Variants in NLRP7 observed in about 807,000 individuals in gnomAD.
The protein encoded by NLRP7 is NLR family pyrin domain containing 7, also known as NACHT, LRR and PYD domains-containing protein 7.
Under a neutral mutation model 85.5 loss-of-function variants are expected in NLRP7, and 72 were observed. The observed-to-expected ratio is 0.84, with a 90% CI of 0.70 to 1.02. The LOEUF is 1.02. Ranked by LOEUF, NLRP7 falls within the 50% of genes least tolerant of loss-of-function variation. NLRP7 has a pLI of 0.00. For missense variants in NLRP7, 1,243 were observed against 1,219.5 expected, an observed-to-expected ratio of 1.02 and a Z score of -0.29; for synonymous variants, 550 against 505.2, an observed-to-expected ratio of 1.09 and a Z score of -1.19.
intron 1 of NLRP7, among the ~76,000 whole-genome samples, chr19:54,963,611 G>T (rs2146293300): frequency 6.6e-6 from 1 of 152,078 alleles, no homozygotes; most frequent in Non-Finnish European, 1.5e-5. Flanking sequence ...ATTACCTGAG[G>T]TTGGGAGTTC....
chr19:54,942,927 G>C (rs1421565635), intron 1 of NLRP7, among the ~76,000 whole-genome samples: 1 of 149,074 alleles, frequency 6.7e-6, no homozygotes, highest in Non-Finnish European at 1.5e-5. Flanking sequence ...CAGGTGGATC[G>C]CCTGATGTCA....
At chr19:54,947,538 C>G, upstream of NLRP7, 1 of 1,289,740 alleles carries the variant, frequency 7.8e-7, no homozygotes, top group African/African-American at 1.5e-5. Context: ...GGGGAGGTCT[C>G]TGGCCCTTGG....
At chr19:54,939,026 A>T in exon 4 of NLRP7, 1 of 1,614,252 alleles carries the variant, frequency 6.2e-7, no homozygotes. Context: ...AGTATTTGTC[A>T]GGTGAATAGA....
At chr19:54,938,839 G>C (rs897217542) in intron 4 of NLRP7, 49 bp downstream of exon 4, 2 of 1,602,770 alleles carry the variant, frequency 1.2e-6, no homozygotes, top group Middle Eastern at 2.0e-4. Flanking sequence ...GGGCAAAGGA[G>C]ACGCTGGCCT....
intron 9 of NLRP7, 28 bp from the exon 11 acceptor site, chr19:54,923,900 C>T (rs768521617): frequency 7.5e-7 from 1 of 1,336,726 alleles, no homozygotes; most frequent in Non-Finnish European, 9.9e-7. Context: ...CACAAATGTT[C>T]CCAGAAATTC....
rs543133214 is a variant in NLRP7 at position 54,935,879 on chromosome 19, A to G, written c.2300+382T>C. Among the ~76,000 whole-genome samples the G allele has an allele frequency of 3.3e-5, 5 of 152,006 alleles. No homozygotes were observed. In the South Asian group the frequency reaches 1.0e-3, roughly 32 times the overall value. Reference sequence around the variant, plus strand: ...TCCTGTGCCTGATCTGAGATCGAACAGTTTCATCCCAAAACTACCCCCAAA... The same window carrying G: ...TCCTGTGCCTGATCTGAGATCGAACGGTTTCATCCCAAAACTACCCCCAAA... On this transcript the variant is annotated intron_variant, in intron 6 of 9. Transcript: ENST00000340844.
chr19:54,936,538 T>A (rs1264241590), intron 5 of NLRP7, 107 bp from the exon 6 acceptor site: 2 of 1,014,200 alleles, frequency 2.0e-6, no homozygotes, highest in Non-Finnish European at 1.5e-6. Flanking sequence ...TTAGAAGTTC[T>A]TGGCCGGGTG....
Position 54,934,740 on chromosome 19 carries a change from C to A in NLRP7, c.2301-81G>T. Reference sequence around the variant, plus strand: ...GCTTTTTTTTTTTGAGACAGAGTTTCACTCTGTTGCCCAGTCTGGAATGCA... The same window carrying A: ...GCTTTTTTTTTTTGAGACAGAGTTTAACTCTGTTGCCCAGTCTGGAATGCA... On this transcript the variant is annotated intron_variant, in intron 6 of 9. Transcript: ENST00000340844. This position sits in a 1 kb window ranked among gnomAD's most constrained non-coding sequence, Gnocchi z 6.7. 3.4e-6 allele frequency: 4 copies of A among 1,167,086 alleles called. No homozygotes were observed. Among genetic ancestry groups the A allele is most frequent in the East Asian group, 2.6e-5 (1 of 39,050 alleles). The allele number at this position is 1,167,086 out of a possible 1,614,324, so 72.3% of individuals were successfully genotyped here.
intron 8 of NLRP7, among the ~76,000 whole-genome samples, chr19:54,932,446 T>C (rs1440394803): frequency 6.7e-6 from 1 of 148,288 alleles, no homozygotes; most frequent in Non-Finnish European, 1.5e-5. Context: ...AAAATGAATC[T>C]CAGAAATGAC....
intron 1 of NLRP7, among the ~76,000 whole-genome samples, chr19:54,962,799 C>G (rs1220778834): frequency 6.6e-6 from 1 of 150,586 alleles, no homozygotes; most frequent in Non-Finnish European, 1.5e-5. Context: ...CGGGGTTTCA[C>G]CGTGTTAGCC....
In NLRP7 at chr19:54,934,413, G is replaced by GT; in HGVS notation, c.2471+75dup. 3.4e-6 allele frequency: 5 copies of GT among 1,482,916 alleles called. No homozygotes were observed. The highest frequency in any genetic ancestry group is 4.7e-6 in the Non-Finnish European group (5 of 1,060,358). The allele number at this position is 1,482,916 out of a possible 1,614,324, so 91.9% of individuals were successfully genotyped here. ...CAAGAGGCGCCACGTGGGTGGCGCA[G>GT]TAAGTCAGGTGTTACCCTTTCTCTT... is the stretch of plus-strand genomic sequence containing the variant. On this transcript the variant is annotated intron_variant, in intron 7 of 9. Coordinates refer to ENST00000340844, the Ensembl canonical transcript of NLRP7. The surrounding 1 kb of genome is among the most constrained non-coding windows in gnomAD (Gnocchi z 6.7).
At position 54,939,457 on chromosome 19, in the gene NLRP7, G is replaced by A. The variant is rs143786631; in HGVS notation, c.1362C>T (p.Leu454=). The A allele has an allele frequency of 2.9e-4, 467 of 1,614,004 alleles. 2 individuals are homozygous for A. In the African/African-American group the frequency reaches 5.7e-3, roughly 20 times the overall value. The change falls in exon 4 of 10, where the codon CTC becomes CTT. Residue 454 remains leucine (L), a synonymous_variant. Coordinates refer to ENST00000340844, the Ensembl canonical transcript of NLRP7. ...AGCCTTTGGAGACTCTGTCCTGGCG[G>A]AGGATGTCTCCGTCCAGGAACAGAC... is the stretch of plus-strand genomic sequence containing the variant.
intron 5 of NLRP7, among the ~76,000 whole-genome samples, chr19:54,937,264 A>C (rs2068973618): frequency 6.6e-6 from 1 of 151,942 alleles, no homozygotes; most frequent in South Asian, 2.1e-4. Flanking sequence ...AAAACAACTA[A>C]GGGGTACTAG....
rs775885 is a variant in NLRP7, at chr19:54,940,537, G to A, written c.353-71C>T. 0.011 allele frequency: 16,495 copies of A among 1,543,306 alleles called. 1,291 individuals carry two copies. In the African/African-American group the frequency reaches 0.18, roughly 17 times the overall value. On this transcript the variant is annotated intron_variant, in intron 3 of 9. Transcript: ENST00000340844. Reference sequence around the variant, plus strand: ...TTCTGAATTATTTTGTCAAGTACCAGAAATGAGGGCCAGGCACGGTGTCTC... The same window carrying A: ...TTCTGAATTATTTTGTCAAGTACCAAAAATGAGGGCCAGGCACGGTGTCTC...
intron 1 of NLRP7, 105 bp from the exon 2 acceptor site, chr19:54,941,855 T>TA (rs1211128621): frequency 2.3e-6 from 2 of 862,522 alleles, no homozygotes; most frequent in Non-Finnish European, 3.5e-6. Context: ...CAGTGAGTGG[T>TA]AAAATATTCC....
upstream of NLRP7, among the ~76,000 whole-genome samples, chr19:54,952,404 C>G (rs2069698198): frequency 6.6e-6 from 1 of 151,936 alleles, no homozygotes; most frequent in Admixed American, 6.6e-5. Context: ...ACCAGCCTGG[C>G]CAACATAGTG....
At chr19:54,944,405 TG>T (rs1192392905) in intron 1 of NLRP7, among the ~76,000 whole-genome samples, 1 of 152,152 alleles carries the variant, frequency 6.6e-6, no homozygotes, top group African/African-American at 2.4e-5. Context: ...ACCTTGTTTA[TG>T]ACACAGACAT....
chr19:54,934,132 G>A lies in NLRP7; in HGVS notation c.2471+357C>T, dbSNP rs1053698920. Among the ~76,000 whole-genome samples the A allele has an allele frequency of 2.6e-5, 4 of 152,036 alleles. No homozygotes were observed. The highest frequency in any genetic ancestry group is 4.8e-5 in the African/African-American group (2 of 41,394). ...ATTTTTTGTATTTTTTAGTAGAGAC[G>A]GGGTTTCACCATGTTAGCCAGGATG... On this transcript the variant is annotated intron_variant, in intron 7 of 9. Coordinates refer to ENST00000340844, the Ensembl canonical transcript of NLRP7. The surrounding 1 kb of genome is among the most constrained non-coding windows in gnomAD (Gnocchi z 6.7).
rs104895551 is a variant in NLRP7, at chr19:54,936,413, AG to A, written c.2147del (p.Pro716LeufsTer21). On this transcript the variant is annotated frameshift_variant, in exon 6 of 10. Transcript: ENST00000340844. LOFTEE classifies it high-confidence loss of function. ...GACAGAAGTCCCGGTACGCGGTGTC[AG>A]GGGTGACGTTTTTAATCCTAGGGAA... 3.1e-6 allele frequency: 5 copies of A among 1,613,986 alleles called. No individual in the cohort carries two copies. Among genetic ancestry groups the A allele is most frequent in the Non-Finnish European group, 4.2e-6 (5 of 1,179,968 alleles).
Sources: gnomAD v4.1 joint callset for allele counts (sites outside exome capture counted in the v4.1 genomes callset) on GRCh38, gnomAD v4.1.1 for gene constraint, Gnocchi (gnomAD v3.1) non-coding constraint, MANE v1.5 for transcripts, NCBI Gene and HGNC (gene_info 2026-07-23, HGNC 2026-07-21) for gene names.